POU6F2: variants seen among roughly 807,000 people sequenced by gnomAD.
The protein encoded by POU6F2 is POU class 6 homeobox 2.
A neutral mutation model predicts 71.3 loss-of-function variants in POU6F2; 31 were observed. That is an observed-to-expected ratio of 0.43 (90% CI 0.33 to 0.59). The LOEUF is 0.59. Among genes scored for constraint, POU6F2 ranks in the 20% least tolerant of loss-of-function variants. The probability of loss-of-function intolerance (pLI) is 0.04; values close to 1 mark genes in which losing one functional copy is unlikely to be tolerated. For missense variants in POU6F2, 783 were observed against 856.8 expected (o/e 0.91, Z 1.07); for synonymous variants, 347 against 355.7 (o/e 0.98, Z 0.27).
intron 7 of POU6F2, among the ~76,000 whole-genome samples, chr7:39,435,531 C>T (rs989751817): frequency 3.3e-5 from 5 of 151,960 alleles, no homozygotes; most frequent in Non-Finnish European, 1.5e-5. Context: ...GATATTAGAC[C>T]TTTGTCAGAT....
chr7:39,419,144 CGTATATATGTGT>C (rs1562544686), intron 6 of POU6F2, among the ~76,000 whole-genome samples: 24 of 134,684 alleles, frequency 1.8e-4, no homozygotes, highest in Middle Eastern at 8.5e-3. Context: ...CATATATATA[CGTATATATGTGT>C]ATATATACAC....
rs796230936 is a variant in POU6F2 at position 39,339,142 on chromosome 7, A to C, written c.599-500A>C. 2.0e-4 allele frequency among the ~76,000 whole-genome samples: 30 copies of C among 152,054 alleles called. 1 individual carries two copies. The highest frequency in any genetic ancestry group is 6.0e-4 in the African/African-American group (25 of 41,492). ...AAGACATCTAAGCAACTGGGTGGAG[A>C]TCTGAAGTAGCAAGTGAAAATGATA... On this transcript the variant is annotated intron_variant, in intron 4 of 9. Transcript: ENST00000518318.
intron 4 of POU6F2, among the ~76,000 whole-genome samples, chr7:39,257,604 G>A (rs946375682): frequency 5.3e-5 from 8 of 152,122 alleles, no homozygotes; most frequent in Non-Finnish European, 1.2e-4. Context: ...TACCCACCCT[G>A]CTTTGTGAAG....
intron 6 of POU6F2, among the ~76,000 whole-genome samples, chr7:39,407,928 C>T (rs566707886): frequency 3.3e-5 from 5 of 152,252 alleles, no homozygotes; most frequent in East Asian, 1.9e-4. Context: ...AGGTGCACAC[C>T]GCACATATTA....
chr7:38,984,876 C>T (rs1463206865), intron 1 of POU6F2: 4 of 152,042 alleles, frequency 2.6e-5, no homozygotes, highest in African/African-American at 7.2e-5. Context: ...AGAATACATA[C>T]CTGTTAAATG....
intron 1 of POU6F2, among the ~76,000 whole-genome samples, chr7:39,015,433 A>G (rs1282510683): frequency 7.8e-6 from 1 of 128,226 alleles, no homozygotes; most frequent in Non-Finnish European, 1.6e-5. Flanking sequence ...TATTATATAT[A>G]ATATATAATC....
At chr7:39,399,117 C>G (rs954282997) in intron 5 of POU6F2, among the ~76,000 whole-genome samples, 1 of 152,170 alleles carries the variant, frequency 6.6e-6, no homozygotes, top group African/African-American at 2.4e-5. Flanking sequence ...TCTCTCTAAA[C>G]CACCACCCCT....
chr7:38,994,017 C>CTAA (rs1459422586), intron 1 of POU6F2, among the ~76,000 whole-genome samples: 1 of 152,150 alleles, frequency 6.6e-6, no homozygotes, highest in African/African-American at 2.4e-5. Flanking sequence ...AAGTCTGAGG[C>CTAA]TAATAAAAAG....
At chr7:39,050,257 A>G (rs1321540156) in intron 1 of POU6F2, among the ~76,000 whole-genome samples, 1 of 151,982 alleles carries the variant, frequency 6.6e-6, no homozygotes, top group Non-Finnish European at 1.5e-5. Context: ...TGCATAACCT[A>G]ATGGTCAGCC....
chr7:39,067,169 CTA>C (rs1491350148), intron 1 of POU6F2, among the ~76,000 whole-genome samples: 2 of 138,632 alleles, frequency 1.4e-5, no homozygotes, highest in East Asian at 4.1e-4. Context: ...CTTACTTTGA[CTA>C]AAAAAAAAAA....
At chr7:39,429,123 A>T (rs1053609459) in intron 6 of POU6F2, among the ~76,000 whole-genome samples, 7 of 151,250 alleles carry the variant, frequency 4.6e-5, no homozygotes, top group African/African-American at 1.7e-4. Flanking sequence ...AATAATAAAA[A>T]AAAAAAAACT....
chr7:39,379,707 A>G (rs1786787918), intron 5 of POU6F2, among the ~76,000 whole-genome samples: 1 of 152,064 alleles, frequency 6.6e-6, no homozygotes. Context: ...AATTTTAAAC[A>G]CAAATCCAGG....
At chr7:39,212,903 A>G (rs1365948185) in intron 4 of POU6F2, among the ~76,000 whole-genome samples, 1 of 152,170 alleles carries the variant, frequency 6.6e-6, no homozygotes. Context: ...GCTTTTTTGA[A>G]ACATAGGCAG....
intron 1 of POU6F2, among the ~76,000 whole-genome samples, chr7:39,030,891 T>A (rs1206021992): frequency 6.6e-6 from 1 of 151,998 alleles, no homozygotes; most frequent in Non-Finnish European, 1.5e-5. Flanking sequence ...TTATTGTTTT[T>A]AAAATATTTA....
chr7:39,112,429 T>G (rs1409783263), intron 2 of POU6F2, among the ~76,000 whole-genome samples: 1 of 152,184 alleles, frequency 6.6e-6, no homozygotes, highest in Non-Finnish European at 1.5e-5. Flanking sequence ...ATTGCATGCT[T>G]ATACTATTGG....
chr7:39,226,141 T>G (rs1794456744), intron 4 of POU6F2, among the ~76,000 whole-genome samples: 1 of 152,146 alleles, frequency 6.6e-6, no homozygotes, highest in Non-Finnish European at 1.5e-5. Flanking sequence ...TATGGAAGGT[T>G]GTAATGAAAT....
At chr7:38,993,944 A>C (rs1437938871) in intron 1 of POU6F2, among the ~76,000 whole-genome samples, 1 of 152,022 alleles carries the variant, frequency 6.6e-6, no homozygotes, top group Admixed American at 6.6e-5. Flanking sequence ...TCATTTTCTT[A>C]TCTCTCCTAG....
intron 1 of POU6F2, among the ~76,000 whole-genome samples, chr7:38,988,669 C>A (rs1037536764): frequency 6.6e-6 from 1 of 152,086 alleles, no homozygotes. Flanking sequence ...TAATTTAATC[C>A]TCACGCCAGG....
At chr7:39,151,655 A>G (rs540684330) in intron 2 of POU6F2, among the ~76,000 whole-genome samples, 4 of 152,276 alleles carry the variant, frequency 2.6e-5, no homozygotes, top group African/African-American at 9.6e-5. Flanking sequence ...TTCTCTTTTC[A>G]TCTAACTCAA....
Sources: allele counts gnomAD v4.1 joint callset (sites outside exome capture counted in the v4.1 genomes callset), GRCh38; gene constraint gnomAD v4.1.1; transcripts MANE v1.5; gene names NCBI Gene and HGNC (gene_info 2026-07-23, HGNC 2026-07-21).